Variants in KIFBP observed in about 807,000 individuals in gnomAD.
KIFBP encodes kinesin family binding protein.
In KIFBP, 46 loss-of-function variants were observed where a neutral mutation model predicts 58.9. The ratio of observed to expected loss-of-function variants is 0.78; its 90% CI spans 0.62 to 1.00. The LOEUF is 1.00. Among genes scored for constraint, KIFBP ranks in the 50% least tolerant of loss-of-function variants. The probability of loss-of-function intolerance (pLI) is 0.00; values close to 1 mark genes in which losing one functional copy is unlikely to be tolerated. For missense variants in KIFBP, 651 were observed against 752.9 expected (o/e 0.86, Z 1.58); for synonymous variants, 241 against 283.4 (o/e 0.85, Z 1.50).
At position 68,989,609 on chromosome 10, in the gene KIFBP, A is replaced by T. The variant is rs1430163366; in HGVS notation, c.426+351A>T. 11 of 337,668 alleles carry T rather than the reference A, an allele frequency of 3.3e-5. No homozygotes were observed. In the East Asian group the frequency reaches 4.9e-4, roughly 15 times the overall value. The allele number at this position is 337,668 out of a possible 1,614,324, so 20.9% of individuals were successfully genotyped here. On this transcript the variant is annotated intron_variant, in intron 1 of 6. Transcript: ENST00000361983. ...CTCTCCACCAGTCCAACTCCTGTTC[A>T]TTCTGTTAAGAAAATCCAAAGTAAT...
At chr10:69,008,391 A>AAAAAAAAATATATATATATAT in intron 4 of KIFBP, among the ~76,000 whole-genome samples, 7 of 71,584 alleles carry the variant, frequency 9.8e-5, no homozygotes, top group African/African-American at 3.9e-4. Context: ...AAAAAAAAAA[A>AAAAAAAAATATATATATATAT]ATATATATAT....
chr10:69,000,592 C>A, intron 2 of KIFBP, 70 bp downstream of exon 2: 1 of 990,632 alleles, frequency 1.0e-6, no homozygotes, highest in Non-Finnish European at 1.6e-6. Flanking sequence ...AAGAATCCCT[C>A]ATTCGTAATA....
At chr10:69,004,377 A>C (rs1843508524) in intron 2 of KIFBP, among the ~76,000 whole-genome samples, 1 of 151,376 alleles carries the variant, frequency 6.6e-6, no homozygotes, top group Non-Finnish European at 1.5e-5. Context: ...CTAAATAAAT[A>C]AATAAGAATT....
chr10:69,008,759 A>C, intron 4 of KIFBP, 82 bp from the exon 5 acceptor site: 1 of 1,075,342 alleles, frequency 9.3e-7, no homozygotes, highest in Non-Finnish European at 1.4e-6. Context: ...ACCTTTTCCC[A>C]TATTAAAAGA....
intron 1 of KIFBP, chr10:68,995,371 A>G (rs1022416874): frequency 6.6e-5 from 10 of 152,004 alleles, no homozygotes; most frequent in Non-Finnish European, 1.2e-4. Flanking sequence ...TTTCCACTCA[A>G]CATCGTTATT....
chr10:69,004,924 G>T, intron 2 of KIFBP, 122 bp from the exon 3 acceptor site: 1 of 686,440 alleles, frequency 1.5e-6, no homozygotes, highest in South Asian at 1.7e-5. Flanking sequence ...ACATAAAAAT[G>T]AACTAGGAAA....
intron 4 of KIFBP, among the ~76,000 whole-genome samples, chr10:69,006,658 T>G (rs1274685284): frequency 6.6e-6 from 1 of 152,200 alleles, no homozygotes; most frequent in African/African-American, 2.4e-5. Flanking sequence ...CAATATAAAT[T>G]ACTTTTATTT....
At chr10:69,008,387 A>ATATATATATATAT (rs1554843393) in intron 4 of KIFBP, among the ~76,000 whole-genome samples, 2 of 60,146 alleles carry the variant, frequency 3.3e-5, no homozygotes, top group African/African-American at 8.7e-5. Context: ...TAAAAAAAAA[A>ATATATATATATAT]AAAAATATAT....
chr10:69,004,991 C>A, intron 2 of KIFBP, 55 bp from the exon 3 acceptor site: 2 of 1,238,948 alleles, frequency 1.6e-6, no homozygotes, highest in Non-Finnish European at 2.4e-6. Flanking sequence ...CAGAAGAGGG[C>A]ACTTGGTGTT....
intron 6 of KIFBP, among the ~76,000 whole-genome samples, chr10:69,014,730 C>G (rs532358611): frequency 9.6e-4 from 141 of 146,784 alleles, no homozygotes; most frequent in African/African-American, 3.4e-3. Context: ...CCCCCCACCC[C>G]CAAGAGGTAG....
At chr10:68,992,593 C>T (rs1195985814) in intron 1 of KIFBP, among the ~76,000 whole-genome samples, 1 of 152,064 alleles carries the variant, frequency 6.6e-6, no homozygotes, top group Non-Finnish European at 1.5e-5. Flanking sequence ...CCTGGGTTAG[C>T]GTAGTAACAT....
intron 6 of KIFBP, among the ~76,000 whole-genome samples, chr10:69,012,513 A>G (rs10998527): frequency 0.046 from 6,847 of 147,832 alleles, 205 homozygotes; most frequent in Non-Finnish European, 0.059. Flanking sequence ...AAGTATGATA[A>G]TTTTTTTTTT....
intron 6 of KIFBP, among the ~76,000 whole-genome samples, chr10:69,012,088 G>A (rs924543842): frequency 2.0e-5 from 3 of 152,162 alleles, no homozygotes; most frequent in Non-Finnish European, 4.4e-5. Flanking sequence ...AATAGCTCAT[G>A]TAATAGTTCA....
chr10:68,997,808 T>G (rs1428704419), intron 1 of KIFBP, among the ~76,000 whole-genome samples: 1 of 152,162 alleles, frequency 6.6e-6, no homozygotes, highest in East Asian at 1.9e-4. Context: ...TGCAGCACAC[T>G]GCAACTAACC....
intron 5 of KIFBP, among the ~76,000 whole-genome samples, chr10:69,010,357 T>C (rs1315884841): frequency 6.6e-6 from 1 of 152,234 alleles, no homozygotes; most frequent in East Asian, 1.9e-4. Flanking sequence ...ATTATACTCA[T>C]GTTTCAAGTT....
intron 4 of KIFBP, among the ~76,000 whole-genome samples, chr10:69,008,391 A>AAAAAAAAAAAAAAAAAATATATATAT: frequency 1.4e-5 from 1 of 71,612 alleles, no homozygotes; most frequent in African/African-American, 7.8e-5. Flanking sequence ...AAAAAAAAAA[A>AAAAAAAAAAAAAAAAAATATATATAT]ATATATATAT....
intron 2 of KIFBP, among the ~76,000 whole-genome samples, chr10:69,001,865 C>A (rs1004160977): frequency 3.9e-5 from 6 of 151,976 alleles, no homozygotes; most frequent in Admixed American, 6.6e-5. Context: ...TAAATTCATG[C>A]GTCAGAATGC....
chr10:68,993,007 C>T (rs1843366569), intron 1 of KIFBP, among the ~76,000 whole-genome samples: 1 of 151,998 alleles, frequency 6.6e-6, no homozygotes, highest in South Asian at 2.1e-4. Flanking sequence ...AATTTACTCT[C>T]TTGTTAGTTT....
At chr10:69,000,624 C>T (rs1462086174) in intron 2 of KIFBP, 102 bp downstream of exon 2, 2 of 818,386 alleles carry the variant, frequency 2.4e-6, no homozygotes, top group Non-Finnish European at 4.2e-6. Context: ...CTTCACTGTG[C>T]CCTAGAACTT....
Sources: gnomAD v4.1 joint callset for allele counts (sites outside exome capture counted in the v4.1 genomes callset) on GRCh38, gnomAD v4.1.1 for gene constraint, MANE v1.5 for transcripts, NCBI Gene and HGNC (gene_info 2026-07-23, HGNC 2026-07-21) for gene names.